The following SNX18 variants were observed in gnomAD, a reference collection of about 807,000 sequenced individuals.
The protein encoded by SNX18 is sorting nexin 18.
Under a neutral mutation model 48.7 loss-of-function variants are expected in SNX18, and 35 were observed. The observed-to-expected ratio is 0.72, with a 90% CI of 0.55 to 0.95. The LOEUF (loss-of-function observed/expected upper bound fraction) is 0.95. SNX18 is among the 40% of genes least tolerant of loss of function. The pLI is 0.00. For synonymous variants in SNX18, 492 were observed against 384.7 expected (o/e 1.28, Z -3.26); for missense variants, 824 against 871.0 (o/e 0.95, Z 0.68).
chr5:54,580,934 C>T, the SNX18 span, among the ~76,000 whole-genome samples: 2 of 38,566 alleles, frequency 5.2e-5, no homozygotes, highest in East Asian at 5.4e-4. Context: ...TCAGAAGTGG[C>T]GTGAAGCTGG....
At chr5:54,627,338 TGTTTA>T in the SNX18 span, among the ~76,000 whole-genome samples, 1 of 152,174 alleles carries the variant, frequency 6.6e-6, no homozygotes, top group Non-Finnish European at 1.5e-5. Context: ...GATCTGATGG[TGTTTA>T]GCTTCTCTAA....
the SNX18 span, among the ~76,000 whole-genome samples, chr5:54,643,167 G>C: frequency 1.3e-5 from 2 of 152,072 alleles, no homozygotes; most frequent in Non-Finnish European, 2.9e-5. Flanking sequence ...CTGAATATGG[G>C]CTCAGTTACA....
intron 1 of SNX18, among the ~76,000 whole-genome samples, chr5:54,533,390 T>C (rs1762286686): frequency 6.6e-6 from 1 of 152,168 alleles, no homozygotes; most frequent in Admixed American, 6.6e-5. Flanking sequence ...GGAATAGTAT[T>C]TAGGGTCTGG....
At chr5:54,629,088 G>A in the SNX18 span, among the ~76,000 whole-genome samples, 1 of 152,188 alleles carries the variant, frequency 6.6e-6, no homozygotes, top group Non-Finnish European at 1.5e-5. Context: ...CCTGTGATTT[G>A]CCAGAATGCT....
the SNX18 span, among the ~76,000 whole-genome samples, chr5:54,555,575 C>T: frequency 6.6e-5 from 10 of 152,090 alleles, no homozygotes; most frequent in South Asian, 2.1e-4. Context: ...TGGTTCATGC[C>T]TGTAATCCCA....
the SNX18 span, among the ~76,000 whole-genome samples, chr5:54,609,760 T>C: frequency 2.7e-4 from 41 of 152,210 alleles, no homozygotes; most frequent in African/African-American, 9.6e-4. Flanking sequence ...CGTGGTGATA[T>C]AGTTTGGATG....
At chr5:54,579,509 A>C in the SNX18 span, among the ~76,000 whole-genome samples, 1 of 152,210 alleles carries the variant, frequency 6.6e-6, no homozygotes, top group African/African-American at 2.4e-5. Context: ...AATAAATGCA[A>C]ATTTCATTTA....
rs1477625997 is a variant in SNX18, at chr5:54,517,771, G to A, written c.-182G>A. The stretch of plus-strand genomic sequence containing the variant: ...GGCCCAGCGCGGCAGTCGGCGCTGC[G>A]AAGTGGAGGCGCTGCGAGCGGAGCC... On this transcript the variant is annotated 5_prime_UTR_variant, in exon 1 of 2. Coordinates refer to ENST00000381410, the MANE Select transcript of SNX18 (RefSeq NM_001102575.2). The A allele has an allele frequency of 6.6e-6, 3 of 452,942 alleles. No individual in the cohort carries two copies. The highest frequency in any genetic ancestry group is 4.1e-5 in the African/African-American group (2 of 48,516). 28.1% of individuals were successfully genotyped at this position (452,942 alleles called of 1,614,324 possible).
At chr5:54,642,140 A>G in the SNX18 span, among the ~76,000 whole-genome samples, 1 of 152,216 alleles carries the variant, frequency 6.6e-6, no homozygotes, top group Non-Finnish European at 1.5e-5. Flanking sequence ...ATCAGGAACC[A>G]TGAAAGGTCT....
At chr5:54,590,406 C>G in the SNX18 span, among the ~76,000 whole-genome samples, 1 of 152,162 alleles carries the variant, frequency 6.6e-6, no homozygotes, top group African/African-American at 2.4e-5. Flanking sequence ...TGTTTTAGTG[C>G]CATTCTTTGT....
the SNX18 span, among the ~76,000 whole-genome samples, chr5:54,599,114 G>A: frequency 9.5e-3 from 1,446 of 152,286 alleles, 15 homozygotes; most frequent in Non-Finnish European, 0.016. Context: ...CAAATTGTGA[G>A]TGAACTCCCA....
intron 1 of SNX18, chr5:54,520,928 A>C (rs780561902): frequency 3.6e-5 from 6 of 167,112 alleles, no homozygotes; most frequent in Non-Finnish European, 7.3e-5. Flanking sequence ...TGCGATTTGT[A>C]AATGCAGTCT....
the SNX18 span, among the ~76,000 whole-genome samples, chr5:54,602,009 T>A: frequency 3.9e-5 from 6 of 152,204 alleles, no homozygotes; most frequent in African/African-American, 1.4e-4. Context: ...TTCCTGAAAC[T>A]AGTGTTTCCT....
In SNX18 at chr5:54,518,976, G is replaced by T; in HGVS notation, c.1024G>T (p.Gly342Cys). The stretch of plus-strand genomic sequence containing the variant: ...CCACCTGCCCGAGAAGCAGGCCACC[G>T]GCCGCTTCGAGGAGGACTTCATCTC... ...VPHLPEKQAT[G>C]RFEEDFISKR... is the part of the protein sequence containing the mutation. Residue 342 changes from glycine (G) to cysteine (C), a missense_variant, in exon 1 of 2, where the codon GGC becomes TGC. Physicochemically the swap from Gly to Cys is radical, Grantham distance 159. Around this residue, in one of 3 missense-constraint regions of SNX18, gnomAD observed 443 missense variants for 503.6 expected, o/e 0.88. Coordinates refer to ENST00000381410, the MANE Select transcript of SNX18 (RefSeq NM_001102575.2). 6.2e-7 allele frequency: 1 copy of T among 1,613,624 alleles called. No homozygotes were observed. The highest frequency in any genetic ancestry group is 8.5e-7 in the Non-Finnish European group (1 of 1,179,972).
At chr5:54,533,354 G>A (rs1762285808) in intron 1 of SNX18, among the ~76,000 whole-genome samples, 1 of 152,138 alleles carries the variant, frequency 6.6e-6, no homozygotes, top group South Asian at 2.1e-4. Flanking sequence ...TCTAAACCTG[G>A]AACCCACTTA....
intron 1 of SNX18, among the ~76,000 whole-genome samples, chr5:54,523,335 A>G (rs1338544413): frequency 1.3e-5 from 2 of 152,224 alleles, no homozygotes; most frequent in African/African-American, 4.8e-5. Flanking sequence ...TCAATCTCTA[A>G]TATTTAATAA....
At chr5:54,582,544 A>G in the SNX18 span, among the ~76,000 whole-genome samples, 1 of 152,126 alleles carries the variant, frequency 6.6e-6, no homozygotes, top group African/African-American at 2.4e-5. Flanking sequence ...GGATAGCTTG[A>G]GCCTAGGAGT....
At chr5:54,554,397 A>G in the SNX18 span, among the ~76,000 whole-genome samples, 2 of 152,168 alleles carry the variant, frequency 1.3e-5, no homozygotes, top group Non-Finnish European at 2.9e-5. Context: ...CTGATGTACA[A>G]TTTCACTTTC....
the SNX18 span, among the ~76,000 whole-genome samples, chr5:54,637,563 A>G: frequency 6.6e-6 from 1 of 152,286 alleles, no homozygotes; most frequent in Non-Finnish European, 1.5e-5. Context: ...GGCGCTAGAA[A>G]AGATAATAAA....
Sources: gnomAD v4.1 joint callset for allele counts (sites outside exome capture counted in the v4.1 genomes callset) on GRCh38, gnomAD v4.1.1 for gene constraint, gnomAD v4.1.1 regional missense constraint, MANE v1.5 for transcripts, NCBI Gene and HGNC (gene_info 2026-07-23, HGNC 2026-07-21) for gene names.